ACYP2: variants seen among roughly 807,000 people sequenced by gnomAD.
ACYP2 encodes the protein acylphosphatase-2.
In ACYP2, 12 loss-of-function variants were observed where a neutral mutation model predicts 11.2. The observed-to-expected ratio is 1.08, with a 90% CI of 0.69 to 1.74. ACYP2 has a LOEUF of 1.74. ACYP2 is among the 40% of genes most tolerant of loss of function. The pLI, the probability that ACYP2 is intolerant of heterozygous loss-of-function variation, is 0.00. For missense variants in ACYP2, 134 were observed against 101.9 expected (o/e 1.31, Z -1.35); for synonymous variants, 43 against 32.2 (o/e 1.33, Z -1.13).
chr2:54,269,103 A>C (rs1330663547), intron 6 of ACYP2, among the ~76,000 whole-genome samples: 1 of 152,156 alleles, frequency 6.6e-6, no homozygotes, highest in Non-Finnish European at 1.5e-5. Context: ...TCAAATTATT[A>C]ACTGTTTTGA....
intron 6 of ACYP2, among the ~76,000 whole-genome samples, chr2:54,204,531 A>G (rs1399228314): frequency 3.3e-5 from 5 of 152,094 alleles, no homozygotes; most frequent in African/African-American, 1.2e-4. Flanking sequence ...GAAAGGTCCG[A>G]TGCCAGTTGT....
At chr2:54,078,455 CTATTAT>C (rs1179076570) in intron 4 of ACYP2, among the ~76,000 whole-genome samples, 1 of 150,272 alleles carries the variant, frequency 6.7e-6, no homozygotes, top group East Asian at 2.0e-4. Context: ...GCTCCTGTCG[CTATTAT>C]TATTATCTGT....
intron 6 of ACYP2, among the ~76,000 whole-genome samples, chr2:54,281,958 GTTTAT>G (rs1451139001): frequency 6.6e-6 from 1 of 152,044 alleles, no homozygotes; most frequent in Non-Finnish European, 1.5e-5. Context: ...CATCATTACT[GTTTAT>G]TTTCATTTTT....
chr2:54,207,405 T>A (rs1349787702), intron 6 of ACYP2, among the ~76,000 whole-genome samples: 1 of 152,192 alleles, frequency 6.6e-6, no homozygotes, highest in African/African-American at 2.4e-5. Context: ...CTTTGTTCTT[T>A]AAGTTCTTCA....
In ACYP2 at chr2:54,201,630, T is replaced by TTCTCTC. The variant is rs1459478696; in HGVS notation, c.404+62885_404+62886insCTCTCT. Among the ~76,000 whole-genome samples, 7 of 90,580 alleles carry TTCTCTC rather than the reference T, an allele frequency of 7.7e-5. No homozygotes were observed. The East Asian group carries it at 3.0e-3, about 39-fold the overall frequency. The allele number at this position is 90,580 out of a possible 152,430, so 59.4% of individuals were successfully genotyped here. ...TTTCTTTCTTTCTTTCTTTGTTTCT[T>TTCTCTC]TCTTTCTCTTTCTTTCTTTCTTTCT... On this transcript the variant is annotated intron_variant, in intron 6 of 6. Transcript: ENST00000607452.
intron 2 of ACYP2, among the ~76,000 whole-genome samples, chr2:54,015,595 G>A (rs532489342): frequency 1.1e-4 from 17 of 151,694 alleles, no homozygotes; most frequent in Non-Finnish European, 1.6e-4. Context: ...GATTCAGCGA[G>A]CCATGATTGT....
intron 6 of ACYP2, among the ~76,000 whole-genome samples, chr2:54,170,682 G>A (rs973624455): frequency 1.3e-5 from 2 of 151,850 alleles, no homozygotes; most frequent in Admixed American, 6.6e-5. Context: ...TATGACTTTG[G>A]GATTGTAATA....
At position 54,143,733 on chromosome 2, in the gene ACYP2, GTTTT is replaced by G. The variant is rs545149069; in HGVS notation, c.404+5006_404+5009del. Among the ~76,000 whole-genome samples, 160 of 76,666 alleles carry G rather than the reference GTTTT, an allele frequency of 2.1e-3. 2 individuals are homozygous for G. The highest frequency in any genetic ancestry group is 9.0e-3 in the East Asian group (26 of 2,902). The allele number at this position is 76,666 out of a possible 152,430, so 50.3% of individuals were successfully genotyped here. A position where few individuals can be genotyped will look rare whatever the true frequency, so the allele number is the denominator to read the frequency against. On this transcript the variant is annotated intron_variant, in intron 6 of 6. Coordinates refer to ENST00000607452, the MANE Select transcript of ACYP2 (RefSeq NM_001320586.2). ...AGGCATGAGCCACCATACCCAGCCG[GTTTT>G]TTTTTTTTTTTTTTTTTTTTGGGGG...
Position 54,135,556 on chromosome 2 carries a change from C to G in ACYP2, c.294+87C>G, listed in dbSNP as rs539190031. 5.3e-6 allele frequency: 6 copies of G among 1,123,026 alleles called. No individual in the cohort carries two copies. In the African/African-American group the frequency reaches 7.8e-5, roughly 15 times the overall value. The allele number at this position is 1,123,026 out of a possible 1,614,324, so 69.6% of individuals were successfully genotyped here. A position where few individuals can be genotyped will look rare whatever the true frequency, so the allele number is the denominator to read the frequency against. The stretch of plus-strand genomic sequence containing the variant: ...AGATAGGGCAGTTTTCTACTTGGCG[C>G]TAGTCTACTGTTTACTCCCTGTCCT... On this transcript the variant is annotated intron_variant, in intron 5 of 6. Transcript: ENST00000607452.
chr2:54,152,214 C>G (rs1321370037), intron 6 of ACYP2, among the ~76,000 whole-genome samples: 1 of 147,810 alleles, frequency 6.8e-6, no homozygotes, highest in African/African-American at 2.5e-5. Flanking sequence ...GACTCCTGGG[C>G]TCAAGTGATA....
chr2:54,029,426 T>A (rs1674465776), intron 2 of ACYP2: 1 of 216,566 alleles, frequency 4.6e-6, no homozygotes, highest in Admixed American at 5.3e-5. Flanking sequence ...TATACATATA[T>A]ATACACACAT....
intron 2 of ACYP2, among the ~76,000 whole-genome samples, chr2:53,979,134 T>C (rs1358290381): frequency 6.6e-6 from 1 of 151,982 alleles, no homozygotes; most frequent in African/African-American, 2.4e-5. Flanking sequence ...ATTATTATTA[T>C]AGAAGATGAA....
rs866440211 is a variant in ACYP2, at chr2:54,076,356, A to G, written c.277+18996A>G. Among the ~76,000 whole-genome samples the G allele has an allele frequency of 2.0e-5, 3 of 152,342 alleles. No homozygotes were observed. In the South Asian group the frequency reaches 6.2e-4, roughly 32 times the overall value. On this transcript the variant is annotated intron_variant, in intron 4 of 6. Transcript: ENST00000607452. ...CTTACACAATTAGCAATTTAAAAATAGCATATCTAGTCTGATTTCCTTATT... is the reference window on the plus strand; with the variant it reads ...CTTACACAATTAGCAATTTAAAAATGGCATATCTAGTCTGATTTCCTTATT...
At chr2:54,165,252 T>C (rs1285145556) in intron 6 of ACYP2, among the ~76,000 whole-genome samples, 1 of 152,200 alleles carries the variant, frequency 6.6e-6, no homozygotes, top group African/African-American at 2.4e-5. Context: ...GAAGTTGATA[T>C]ATTATTTCAC....
At chr2:54,265,710 G>GGTAA (rs1687986102) in intron 6 of ACYP2, among the ~76,000 whole-genome samples, 1 of 152,164 alleles carries the variant, frequency 6.6e-6, no homozygotes, top group Non-Finnish European at 1.5e-5. Context: ...GGTTAAGAGT[G>GGTAA]GTAAGTCCAA....
At chr2:54,121,627 T>C (rs1457522470) in intron 4 of ACYP2, among the ~76,000 whole-genome samples, 1 of 152,256 alleles carries the variant, frequency 6.6e-6, no homozygotes, top group Non-Finnish European at 1.5e-5. Context: ...AGCTGTGTTT[T>C]AGAGGTTGAA....
intron 4 of ACYP2, among the ~76,000 whole-genome samples, chr2:54,090,656 T>C (rs977028871): frequency 6.6e-6 from 1 of 152,110 alleles, no homozygotes; most frequent in Non-Finnish European, 1.5e-5. Flanking sequence ...GAAACGGTGT[T>C]TCCTCCCTTC....
intron 6 of ACYP2, among the ~76,000 whole-genome samples, chr2:54,163,510 TG>T (rs916862255): frequency 6.6e-6 from 1 of 152,172 alleles, no homozygotes; most frequent in Admixed American, 6.5e-5. Flanking sequence ...TCCTGAAGTT[TG>T]AAGAAGTTTT....
Position 54,304,685 on chromosome 2 carries a change from T to G in ACYP2, c.405-3T>G. 6.2e-7 allele frequency: 1 copy of G among 1,601,336 alleles called. No individual in the cohort carries two copies. The highest frequency in any genetic ancestry group is 8.5e-7 in the Non-Finnish European group (1 of 1,173,386). ...TTTTATTTATTTATCTGTTTTTTTA[T>G]AGGAAGTCCTGGCTGAGCAAGGTTG... On this transcript the variant is annotated splice_region_variant and splice_polypyrimidine_tract_variant and intron_variant, in intron 6 of 6. Coordinates refer to ENST00000607452, the MANE Select transcript of ACYP2 (RefSeq NM_001320586.2).
Sources: gnomAD v4.1 joint callset for allele counts (sites outside exome capture counted in the v4.1 genomes callset) on GRCh38, gnomAD v4.1.1 for gene constraint, MANE v1.5 for transcripts, NCBI Gene and HGNC (gene_info 2026-07-23, HGNC 2026-07-21) for gene names.